CCBE1: variants seen among roughly 807,000 people sequenced by gnomAD.
CCBE1 encodes the protein collagen and calcium binding EGF domains 1, also known as collagen and calcium-binding EGF domain-containing protein 1.
In CCBE1, 37 loss-of-function variants were observed where a neutral mutation model predicts 50.0. The ratio of observed to expected loss-of-function variants is 0.74; its 90% CI spans 0.57 to 0.97. CCBE1 has a LOEUF of 0.97. CCBE1 is among the 50% of genes least tolerant of loss of function. The pLI, the probability that CCBE1 is intolerant of heterozygous loss-of-function variation, is 0.00. For missense variants in CCBE1, 538 were observed against 523.8 expected (o/e 1.03, Z -0.26); for synonymous variants, 234 against 203.7 (o/e 1.15, Z -1.27).
At chr18:59,696,734 T>C in intron 1 of CCBE1, 25 bp from the exon 2 acceptor site, 2 of 1,611,248 alleles carry the variant, frequency 1.2e-6, no homozygotes, top group Non-Finnish European at 1.7e-6. Flanking sequence ...AGAGGAAATG[T>C]TCGATTCTCA....
intron 2 of CCBE1, among the ~76,000 whole-genome samples, chr18:59,565,162 G>A (rs2052802318): frequency 1.3e-5 from 2 of 152,162 alleles, no homozygotes; most frequent in Non-Finnish European, 2.9e-5. Flanking sequence ...TCATGCTTGT[G>A]GTCTTCTTGG....
At chr18:59,648,743 G>A (rs1442737446) in intron 2 of CCBE1, among the ~76,000 whole-genome samples, 3 of 152,138 alleles carry the variant, frequency 2.0e-5, no homozygotes, top group Admixed American at 6.6e-5. Context: ...CTGGAACAGG[G>A]CAACTTTTGG....
chr18:59,526,179 GT>G (rs1245743882), intron 2 of CCBE1, among the ~76,000 whole-genome samples: 1 of 151,794 alleles, frequency 6.6e-6, no homozygotes, highest in Non-Finnish European at 1.5e-5. Flanking sequence ...TTTTTGAAGG[GT>G]TTTTCGTGTA....
chr18:59,606,450 C>G (rs543884329), intron 2 of CCBE1, among the ~76,000 whole-genome samples: 41 of 152,332 alleles, frequency 2.7e-4, no homozygotes, highest in African/African-American at 9.9e-4. Context: ...TATCTGCATA[C>G]TTAACAGGAC....
intron 2 of CCBE1, among the ~76,000 whole-genome samples, chr18:59,497,379 C>G (rs1913404354): frequency 6.6e-6 from 1 of 152,124 alleles, no homozygotes; most frequent in African/African-American, 2.4e-5. Context: ...ATATACTGAG[C>G]AAAGAACATA....
At chr18:59,690,578 C>T (rs1316496474) in intron 2 of CCBE1, among the ~76,000 whole-genome samples, 1 of 152,228 alleles carries the variant, frequency 6.6e-6, no homozygotes, top group Non-Finnish European at 1.5e-5. Context: ...TTTCCGGGTG[C>T]ACCCACCCCA....
rs561053078 is a variant in CCBE1 at position 59,626,871 on chromosome 18, A to C, written c.212+69758T>G. 1.4e-3 allele frequency among the ~76,000 whole-genome samples: 217 copies of C among 152,372 alleles called. 3 individuals carry two copies. Among genetic ancestry groups the C allele is most frequent in the African/African-American group, 5.2e-3 (215 of 41,594 alleles). On this transcript the variant is annotated intron_variant, in intron 2 of 10. Transcript: ENST00000439986. ...GGTTAAGGGTTGAGCCCTTGATTCC[A>C]CAGCAGAGCTTGGGTTTGGACTATC...
Position 59,585,266 on chromosome 18 carries a change from C to T in CCBE1, c.213-105028G>A, listed in dbSNP as rs116425506. 1.0e-3 allele frequency among the ~76,000 whole-genome samples: 158 copies of T among 152,264 alleles called. 1 individual carries two copies. The highest frequency in any genetic ancestry group is 3.2e-3 in the African/African-American group (135 of 41,544). On this transcript the variant is annotated intron_variant, in intron 2 of 10. Transcript: ENST00000439986. ...CCAAGGTACCCAGGTCTCTCTGTTA[C>T]AAGCCCTCTTATCCCCCATGTAATC...
At chr18:59,543,848 A>AAAAAAAAAAAAAAAAAAAAG (rs1915577474) in intron 2 of CCBE1, among the ~76,000 whole-genome samples, 1 of 134,148 alleles carries the variant, frequency 7.5e-6, no homozygotes, top group African/African-American at 3.0e-5. Context: ...AAAAAAAAAA[A>AAAAAAAAAAAAAAAAAAAAG]AAAAAAAAAA....
chr18:59,485,903 ATT>A (rs201348941), intron 2 of CCBE1, among the ~76,000 whole-genome samples: 2 of 145,470 alleles, frequency 1.4e-5, no homozygotes, highest in African/African-American at 2.5e-5. Flanking sequence ...GCCCGGCCAG[ATT>A]TTTTTTTTTT....
chr18:59,462,260 A>G (rs1056704330), intron 5 of CCBE1, among the ~76,000 whole-genome samples: 6 of 152,218 alleles, frequency 3.9e-5, no homozygotes, highest in Middle Eastern at 3.4e-3. Flanking sequence ...TGATATCAAC[A>G]TCCTTGCCTG....
intron 7 of CCBE1, among the ~76,000 whole-genome samples, chr18:59,442,282 C>T (rs766053213): frequency 1.3e-5 from 2 of 152,134 alleles, no homozygotes; most frequent in Admixed American, 6.5e-5. Context: ...TGTGTCGATA[C>T]GGGCTTCTGA....
intron 2 of CCBE1, among the ~76,000 whole-genome samples, chr18:59,507,865 A>G (rs1329204757): frequency 6.6e-6 from 1 of 151,322 alleles, no homozygotes; most frequent in East Asian, 1.9e-4. Context: ...GCAGTGTGTT[A>G]TGTTAATTAG....
At chr18:59,653,865 T>C (rs952160884) in intron 2 of CCBE1, among the ~76,000 whole-genome samples, 4 of 152,208 alleles carry the variant, frequency 2.6e-5, no homozygotes, top group African/African-American at 9.6e-5. Flanking sequence ...GATAGGTTAT[T>C]TGATGACTGC....
At chr18:59,605,159 C>T (rs2053481140) in intron 2 of CCBE1, among the ~76,000 whole-genome samples, 1 of 152,142 alleles carries the variant, frequency 6.6e-6, no homozygotes, top group African/African-American at 2.4e-5. Flanking sequence ...GCTGCTCCCC[C>T]TAGGAGGCAC....
intron 2 of CCBE1, among the ~76,000 whole-genome samples, chr18:59,638,362 C>T (rs2144640076): frequency 6.6e-6 from 1 of 152,310 alleles, no homozygotes; most frequent in Non-Finnish European, 1.5e-5. Context: ...AGGATATCAA[C>T]TTTCACCAAT....
intron 10 of CCBE1, among the ~76,000 whole-genome samples, chr18:59,436,836 G>C (rs1283475096): frequency 6.6e-6 from 1 of 152,048 alleles, no homozygotes; most frequent in African/African-American, 2.4e-5. Flanking sequence ...GCCAGGTGTG[G>C]TGGTGGGCAC....
chr18:59,669,132 G>A (rs570237524), intron 2 of CCBE1, among the ~76,000 whole-genome samples: 169 of 152,082 alleles, frequency 1.1e-3, no homozygotes, highest in African/African-American at 3.6e-3. Flanking sequence ...CACCTTGCCC[G>A]GCCAACATAA....
At chr18:59,595,433 C>G (rs563722231) in intron 2 of CCBE1, among the ~76,000 whole-genome samples, 8 of 152,236 alleles carry the variant, frequency 5.3e-5, no homozygotes, top group Admixed American at 2.0e-4. Flanking sequence ...GTAATACCAA[C>G]CCTGTGTCCC....
Sources: allele counts gnomAD v4.1 joint callset (sites outside exome capture counted in the v4.1 genomes callset), GRCh38; gene constraint gnomAD v4.1.1; transcripts MANE v1.5; gene names NCBI Gene and HGNC (gene_info 2026-07-23, HGNC 2026-07-21).